Variants in PRKCA observed in about 807,000 individuals in gnomAD.
The protein encoded by PRKCA is protein kinase C alpha.
In PRKCA, 27 loss-of-function variants were observed where a neutral mutation model predicts 87.0. The observed-to-expected ratio is 0.31, with a 90% CI of 0.23 to 0.43. The LOEUF is 0.43. Among genes scored for constraint, PRKCA ranks in the 20% least tolerant of loss-of-function variants. The pLI, the probability that PRKCA is intolerant of heterozygous loss-of-function variation, is 1.00. For missense variants in PRKCA, 518 were observed against 852.3 expected (o/e 0.61, Z 4.88); for synonymous variants, 329 against 311.1 (o/e 1.06, Z -0.61).
chr17:66,531,731 TC>T (rs766542108), intron 3 of PRKCA, among the ~76,000 whole-genome samples: 2 of 152,194 alleles, frequency 1.3e-5, no homozygotes, highest in Non-Finnish European at 2.9e-5. Flanking sequence ...CACACCTGTG[TC>T]GTGTATTATT....
chr17:66,434,696 G>A (rs1913281200), intron 2 of PRKCA, among the ~76,000 whole-genome samples: 2 of 152,142 alleles, frequency 1.3e-5, no homozygotes, highest in African/African-American at 4.8e-5. Flanking sequence ...GATTGCCCAG[G>A]TTCAAACTTT....
chr17:66,386,395 A>C (rs1309365429), intron 2 of PRKCA, among the ~76,000 whole-genome samples: 1 of 152,240 alleles, frequency 6.6e-6, no homozygotes, highest in Non-Finnish European at 1.5e-5. Context: ...GCTGCAGTGA[A>C]TATCCTTTGA....
At chr17:66,782,552 G>A (rs549695061) in intron 14 of PRKCA, among the ~76,000 whole-genome samples, 12 of 152,286 alleles carry the variant, frequency 7.9e-5, no homozygotes, top group African/African-American at 2.9e-4. Context: ...ATTAGAGCTG[G>A]AAAACCATGC....
chr17:66,374,908 T>G (rs148369564), intron 2 of PRKCA, among the ~76,000 whole-genome samples: 420 of 151,892 alleles, frequency 2.8e-3, no homozygotes, highest in Non-Finnish European at 4.3e-3. Flanking sequence ...TTTATTTGTA[T>G]TTTTAGTAGA....
intron 13 of PRKCA, among the ~76,000 whole-genome samples, chr17:66,747,923 G>A (rs1305450007): frequency 1.3e-5 from 2 of 152,212 alleles, no homozygotes; most frequent in African/African-American, 4.8e-5. Context: ...AGGCCGGGGG[G>A]TGCCGGGCCA....
chr17:66,702,200 G>T (rs1379463679), intron 8 of PRKCA, among the ~76,000 whole-genome samples: 3 of 131,872 alleles, frequency 2.3e-5, no homozygotes, highest in Non-Finnish European at 5.1e-5. Context: ...ACACATATAT[G>T]TATATGTGTG....
At chr17:66,721,583 G>T (rs1240684254) in intron 8 of PRKCA, among the ~76,000 whole-genome samples, 2 of 151,996 alleles carry the variant, frequency 1.3e-5, no homozygotes, top group African/African-American at 4.8e-5. Flanking sequence ...ACCATACGGG[G>T]TAACCACTGG....
intron 2 of PRKCA, among the ~76,000 whole-genome samples, chr17:66,377,672 G>A (rs1389298782): frequency 1.7e-5 from 2 of 114,378 alleles, no homozygotes; most frequent in Non-Finnish European, 3.5e-5. Flanking sequence ...TATATAAAAT[G>A]TCTATTATAT....
At chr17:66,777,153 G>C (rs1235387415) in intron 14 of PRKCA, 2 of 922,382 alleles carry the variant, frequency 2.2e-6, no homozygotes, top group East Asian at 1.2e-4. Context: ...GTGGGTAGGG[G>C]GAGCCCTCTC....
intron 2 of PRKCA, 28 bp downstream of exon 2, chr17:66,306,155 C>A (rs752777543): frequency 1.3e-6 from 2 of 1,598,924 alleles, no homozygotes; most frequent in Non-Finnish European, 1.7e-6. Flanking sequence ...GTTTTATTTT[C>A]AAGCACAACA....
intron 3 of PRKCA, among the ~76,000 whole-genome samples, chr17:66,631,810 C>G (rs776340506): frequency 2.0e-4 from 31 of 151,882 alleles, no homozygotes; most frequent in Admixed American, 2.0e-4. Flanking sequence ...ACATGTACCC[C>G]GTAAATATAT....
intron 3 of PRKCA, among the ~76,000 whole-genome samples, chr17:66,534,433 C>T (rs902150415): frequency 1.9e-4 from 29 of 152,072 alleles, no homozygotes; most frequent in Non-Finnish European, 3.7e-4. Context: ...TTTGGGAGGC[C>T]GAGGTGGGCG....
chr17:66,407,461 C>T (rs942592138), intron 2 of PRKCA, among the ~76,000 whole-genome samples: 1 of 152,136 alleles, frequency 6.6e-6, no homozygotes, highest in African/African-American at 2.4e-5. Context: ...AGAAGCCAAG[C>T]GGAAGCCACT....
At chr17:66,523,943 T>A (rs1373212788) in intron 3 of PRKCA, among the ~76,000 whole-genome samples, 1 of 152,222 alleles carries the variant, frequency 6.6e-6, no homozygotes, top group Non-Finnish European at 1.5e-5. Context: ...TTGTTTATGC[T>A]GCAAGTAAGG....
At chr17:66,671,928 T>C (rs887838262) in intron 5 of PRKCA, among the ~76,000 whole-genome samples, 1 of 152,200 alleles carries the variant, frequency 6.6e-6, no homozygotes, top group African/African-American at 2.4e-5. Context: ...ATTCCACTAA[T>C]AATGTTGAGA....
At chr17:66,652,808 G>A (rs886442242) in intron 5 of PRKCA, among the ~76,000 whole-genome samples, 1 of 152,294 alleles carries the variant, frequency 6.6e-6, no homozygotes, top group Non-Finnish European at 1.5e-5. Context: ...CCATCAGAGC[G>A]CCTCAGCAGT....
At position 66,595,163 on chromosome 17, in the gene PRKCA, CCTT is replaced by C. The variant is rs1033511596; in HGVS notation, c.289-46185_289-46183del. On this transcript the variant is annotated intron_variant, in intron 3 of 16. Coordinates refer to ENST00000413366, the MANE Select transcript of PRKCA (RefSeq NM_002737.3). ...CCCTGTTCCTCCAATTTTCAAATCT[CCTT>C]CTTCTTTTTTAAAAAATTATAGATA... 2.0e-5 allele frequency among the ~76,000 whole-genome samples: 3 copies of C among 152,110 alleles called. 1 individual carries two copies. Among genetic ancestry groups the C allele is most frequent in the Admixed American group, 1.3e-4 (2 of 15,270 alleles).
intron 8 of PRKCA, chr17:66,696,597 A>G (rs1212579439): frequency 2.6e-5 from 4 of 152,344 alleles, no homozygotes; most frequent in East Asian, 3.9e-4. Flanking sequence ...TATATTTATG[A>G]AAAGTTATTT....
chr17:66,745,496 A>G (rs1277817860), intron 13 of PRKCA, among the ~76,000 whole-genome samples: 3 of 152,148 alleles, frequency 2.0e-5, no homozygotes, highest in Non-Finnish European at 2.9e-5. Flanking sequence ...CCTGGCCAAC[A>G]TAGTGAAACC....
Sources: allele counts gnomAD v4.1 joint callset (sites outside exome capture counted in the v4.1 genomes callset), GRCh38; gene constraint gnomAD v4.1.1; transcripts MANE v1.5; gene names NCBI Gene and HGNC (gene_info 2026-07-23, HGNC 2026-07-21).